Variants in BRD9 observed in about 807,000 individuals in gnomAD.
BRD9 encodes the protein bromodomain-containing protein 9.
BRD9 carries 47 observed loss-of-function variants against 68.7 expected under a neutral mutation model. That is an observed-to-expected ratio of 0.68 (90% CI 0.54 to 0.87). The LOEUF (loss-of-function observed/expected upper bound fraction) is 0.87, where lower values mean the gene tolerates loss of function less well. Among genes scored for constraint, BRD9 ranks in the 40% least tolerant of loss-of-function variants. The probability of loss-of-function intolerance (pLI) is 0.00; values close to 1 mark genes in which losing one functional copy is unlikely to be tolerated. For synonymous variants in BRD9, 313 were observed against 293.9 expected (o/e 1.06, Z -0.67); for missense variants, 670 against 748.4 (o/e 0.90, Z 1.22).
chr5:867,806 A>G (rs1411703012), intron 14 of BRD9, among the ~76,000 whole-genome samples: 5 of 152,372 alleles, frequency 3.3e-5, no homozygotes, highest in East Asian at 1.9e-4. Context: ...AGGCAGAAGT[A>G]ACTTGCCTTG....
rs746542185 is a variant in BRD9, at chr5:876,136, C to T, written c.1348G>A (p.Gly450Arg). 1.1e-5 allele frequency: 18 copies of T among 1,613,670 alleles called. No individual in the cohort carries two copies. The highest frequency in any genetic ancestry group is 8.9e-5 in the East Asian group (4 of 44,842). Residue 450 changes from glycine (G) to arginine (R), a missense_variant, in exon 12 of 16, where the codon GGA becomes AGA. Gly to Arg is a moderately radical substitution (Grantham distance 125). Coordinates refer to ENST00000467963, the MANE Select transcript of BRD9 (RefSeq NM_023924.5). ...VDDLLDQITGGDHSRTLFQLK... is the reference protein window; with the variant it reads ...VDDLLDQITGRDHSRTLFQLK... ...TGGAAGAGCGTCCTAGAGTGGTCTC[C>T]GCCTGTGATCTGGTCCAGGAGGTCG...
chr5:865,346 C>T (rs1306935720), intron 15 of BRD9, 68 bp downstream of exon 15: 1 of 1,485,110 alleles, frequency 6.7e-7, no homozygotes, highest in African/African-American at 1.4e-5. Flanking sequence ...CTGCCCACTA[C>T]CTCGTCTAGA....
At chr5:864,712 A>C (rs1749085519) in intron 15 of BRD9, 144 bp from the exon 16 acceptor site, 2 of 653,066 alleles carry the variant, frequency 3.1e-6, no homozygotes, top group East Asian at 5.8e-5. Context: ...ACTCCCTGCC[A>C]AGGAGAGCTG....
intron 12 of BRD9, 95 bp from the exon 13 acceptor site, chr5:871,659 T>G: frequency 8.5e-7 from 1 of 1,171,434 alleles, no homozygotes; most frequent in Non-Finnish European, 1.3e-6. Context: ...AAATGGCTTG[T>G]GCGCTTCTGC....
chr5:884,402 A>G (rs1302539834), intron 7 of BRD9, among the ~76,000 whole-genome samples: 5 of 152,252 alleles, frequency 3.3e-5, no homozygotes, highest in Non-Finnish European at 5.9e-5. Context: ...AGGCCCCATC[A>G]GAAAAGTGAC....
chr5:884,388 T>C (rs79416544), intron 7 of BRD9, among the ~76,000 whole-genome samples: 1,998 of 152,344 alleles, frequency 0.013, 36 homozygotes, highest in African/African-American at 0.041. Flanking sequence ...TGGTTAGTTA[T>C]TAAAGGCCCC....
chr5:883,650 A>G (rs1358574133), intron 8 of BRD9: 1 of 502,340 alleles, frequency 2.0e-6, no homozygotes, highest in East Asian at 3.7e-5. Flanking sequence ...CATTCACTCC[A>G]AGAGAAAGGA....
rs763626965 is a variant in BRD9 at position 876,470 on chromosome 5, C to T, written c.1272-258G>A. Among the ~76,000 whole-genome samples, 66 of 152,328 alleles carry T rather than the reference C, an allele frequency of 4.3e-4. 1 individual carries two copies. Among genetic ancestry groups the T allele is most frequent in the African/African-American group, 1.0e-3 (43 of 41,580 alleles). On this transcript the variant is annotated intron_variant, in intron 11 of 15. Transcript: ENST00000467963. ...CACATGCACACAGCCTAGAAACACA[C>T]GTGTGCTATGTTATCATCTGTAAAA...
At chr5:891,430 TCA>T (rs1753381554) in intron 2 of BRD9, 143 bp from the exon 3 acceptor site, 3 of 1,353,686 alleles carry the variant, frequency 2.2e-6, no homozygotes, top group East Asian at 2.5e-5. Flanking sequence ...GGCTCCCTCC[TCA>T]CAGAGACCCT....
rs1027720847 is a variant in BRD9, at chr5:891,264, C to G, written c.291G>C (p.Glu97Asp). ...CTCCCTCCGTGTCACAGTGCTCCCTCTCTCGCTTCCGCTTCTTCTCTTCCT... is the reference window on the plus strand; with the variant it reads ...CTCCCTCCGTGTCACAGTGCTCCCTGTCTCGCTTCCGCTTCTTCTCTTCCT... Reference protein sequence around the residue: ...KRKEEKKRKREREHCDTEGEA... With the variant: ...KRKEEKKRKRDREHCDTEGEA... The change falls in exon 3 of 16, where the codon GAG (glutamate) becomes GAC (aspartate). Residue 97 changes from glutamate to aspartate, a missense_variant. By Grantham distance (45) the Glu-to-Asp change is conservative. Around this residue, in one of 5 missense-constraint regions of BRD9, gnomAD observed 161 missense variants for 148.1 expected, o/e 1.09. Coordinates refer to ENST00000467963, the MANE Select transcript of BRD9 (RefSeq NM_023924.5). 9 of 1,551,614 alleles carry G rather than the reference C, an allele frequency of 5.8e-6. No homozygotes were observed. The highest frequency in any genetic ancestry group is 7.8e-6 in the Non-Finnish European group (9 of 1,146,972).
At position 881,137 on chromosome 5, in the gene BRD9, C is replaced by T. The variant is rs145491306; in HGVS notation, c.1012G>A (p.Val338Met). ...RNGDGSLLYS[V>M]VNTAEPDADE... ...GCGTCCGGCTCGGCCGTGTTGACCACGCTGTAGAGCAGGCTCCCGTCCCCG... is the reference window on the plus strand; with the variant it reads ...GCGTCCGGCTCGGCCGTGTTGACCATGCTGTAGAGCAGGCTCCCGTCCCCG... Residue 338 changes from valine (V) to methionine (M), a missense_variant, in exon 9 of 16, where the codon GTG becomes ATG. Around this residue, in one of 5 missense-constraint regions of BRD9, gnomAD observed 135 missense variants for 141.2 expected, o/e 0.96. Coordinates refer to ENST00000467963, the MANE Select transcript of BRD9 (RefSeq NM_023924.5). 5.8e-5 allele frequency: 94 copies of T among 1,613,990 alleles called. No homozygotes were observed. Among genetic ancestry groups the T allele is most frequent in the Non-Finnish European group, 6.6e-5 (78 of 1,180,052 alleles).
chr5:874,299 A>G (rs374780142), intron 12 of BRD9, among the ~76,000 whole-genome samples: 3 of 152,208 alleles, frequency 2.0e-5, no homozygotes, highest in Admixed American at 1.3e-4. Flanking sequence ...TACTCTTAAC[A>G]TTCAATTAAC....
At chr5:883,859 C>A in intron 8 of BRD9, 79 bp downstream of exon 8, 2 of 1,554,104 alleles carry the variant, frequency 1.3e-6, no homozygotes, top group Admixed American at 1.8e-5. Context: ...CTAGATCACA[C>A]AGCACCAACC....
chr5:873,784 GTCAAGGGACTGACCCC>G (rs1750497262), intron 12 of BRD9, among the ~76,000 whole-genome samples: 1 of 152,210 alleles, frequency 6.6e-6, no homozygotes, highest in African/African-American at 2.4e-5. Flanking sequence ...AAACCGTCAG[GTCAAGGGACTGACCCC>G]TCCTTGGGAG....
At chr5:868,592 G>A (rs1010622515) in intron 14 of BRD9, 2 of 152,258 alleles carry the variant, frequency 1.3e-5, no homozygotes, top group Non-Finnish European at 2.9e-5. Context: ...CCGGGGTCTG[G>A]ACTTTGGTAC....
intron 8 of BRD9, chr5:882,524 C>G (rs73733946): frequency 6.3e-6 from 1 of 159,390 alleles, no homozygotes; most frequent in Non-Finnish European, 1.3e-5. Context: ...CCCCCCAACA[C>G]GCAAGCCACA....
intron 5 of BRD9, among the ~76,000 whole-genome samples, chr5:888,029 C>T (rs1461731476): frequency 6.6e-6 from 1 of 152,212 alleles, no homozygotes; most frequent in African/African-American, 2.4e-5. Flanking sequence ...TTCCTCAGCA[C>T]AGGCCTCTCA....
chr5:883,245 T>C (rs1560917938), intron 8 of BRD9: 2 of 443,348 alleles, frequency 4.5e-6, no homozygotes, highest in South Asian at 3.2e-5. Context: ...GAAGACTTAA[T>C]ATGAAAAAAA....
chr5:872,358 G>A (rs913037797), intron 12 of BRD9, among the ~76,000 whole-genome samples: 3 of 152,200 alleles, frequency 2.0e-5, no homozygotes, highest in African/African-American at 7.2e-5. Context: ...TACTGCGGGG[G>A]TGCACTCGGG....
Sources: gnomAD v4.1 joint callset for allele counts (sites outside exome capture counted in the v4.1 genomes callset) on GRCh38, gnomAD v4.1.1 for gene constraint, gnomAD v4.1.1 regional missense constraint, MANE v1.5 for transcripts, NCBI Gene and HGNC (gene_info 2026-07-23, HGNC 2026-07-21) for gene names.